Variants in EMX1 observed in about 807,000 individuals in gnomAD.
EMX1 encodes homeobox protein EMX1.
EMX1 carries 10 observed loss-of-function variants against 20.1 expected under a neutral mutation model. That is an observed-to-expected ratio of 0.50 (90% CI 0.31 to 0.84). The LOEUF is 0.84. Among genes scored for constraint, EMX1 ranks in the 40% least tolerant of loss-of-function variants. The pLI, the probability that EMX1 is intolerant of heterozygous loss-of-function variation, is 0.05. For missense variants in EMX1, 424 were observed against 431.9 expected (o/e 0.98, Z 0.16); for synonymous variants, 250 against 200.4 (o/e 1.25, Z -2.09).
Position 72,934,738 on chromosome 2 carries a change from C to G in EMX1, c.*784C>G, listed in dbSNP as rs1474953111. The stretch of plus-strand genomic sequence containing the variant: ...CCAGAGGAAAGGGGAGGATTGGGGT[C>G]TGGGGGAGGGAACACCATTCACAAA... On this transcript the variant is annotated 3_prime_UTR_variant, in exon 3 of 3. Coordinates refer to ENST00000258106, the MANE Select transcript of EMX1 (RefSeq NM_004097.3). The G allele has an allele frequency of 6.6e-6, 1 of 152,158 alleles. No homozygotes were observed. Among genetic ancestry groups the G allele is most frequent in the African/African-American group, 2.4e-5 (1 of 41,386 alleles). 9.4% of individuals were successfully genotyped at this position (152,158 alleles called of 1,614,324 possible). A position where few individuals can be genotyped will look rare whatever the true frequency, so the allele number is the denominator to read the frequency against.
intron 2 of EMX1, among the ~76,000 whole-genome samples, chr2:72,929,722 A>G (rs1671254469): frequency 6.6e-6 from 1 of 152,254 alleles, no homozygotes; most frequent in African/African-American, 2.4e-5. Context: ...AGATTATTCC[A>G]AAGTAAAGTC....
At chr2:72,923,426 A>C (rs1203035907) in intron 1 of EMX1, 1 of 152,266 alleles carries the variant, frequency 6.6e-6, no homozygotes, top group Non-Finnish European at 1.5e-5. Context: ...TCAGGGATGA[A>C]GCAGGGATGA....
chr2:72,926,222 T>C (rs1350445014), intron 2 of EMX1: 32 of 985,338 alleles, frequency 3.2e-5, no homozygotes, highest in Non-Finnish European at 3.5e-5. Context: ...AGTGAGAGCA[T>C]TTTTAATTAA....
chr2:72,925,753 C>T (rs1671190696), intron 2 of EMX1: 4 of 985,444 alleles, frequency 4.1e-6, no homozygotes, highest in Non-Finnish European at 4.8e-6. Flanking sequence ...TCATCCGCAG[C>T]TTTCTTCGGC....
intron 2 of EMX1, chr2:72,933,231 T>G (rs894048391): frequency 6.6e-6 from 1 of 152,518 alleles, no homozygotes; most frequent in Non-Finnish European, 1.5e-5. Flanking sequence ...GCTCTTGATA[T>G]AAACACCACC....
rs907788778 is a variant in EMX1 at position 72,934,389 on chromosome 2, A to G, written c.*435A>G. 2 of 158,788 alleles carry G rather than the reference A, an allele frequency of 1.3e-5. No homozygotes were observed. Among genetic ancestry groups the G allele is most frequent in the African/African-American group, 4.8e-5 (2 of 41,564 alleles). The allele number at this position is 158,788 out of a possible 1,614,324, so 9.8% of individuals were successfully genotyped here. A position where few individuals can be genotyped will look rare whatever the true frequency, so the allele number is the denominator to read the frequency against. On this transcript the variant is annotated 3_prime_UTR_variant, in exon 3 of 3. Transcript: ENST00000258106. ...CCAGCCCCAGAGCCTGGGGTGGTAGATTCCGGCTCTGAGGGCCAGTGGGGG... is the reference window on the plus strand; with the variant it reads ...CCAGCCCCAGAGCCTGGGGTGGTAGGTTCCGGCTCTGAGGGCCAGTGGGGG...
At chr2:72,921,315 T>C (rs539929568) in intron 1 of EMX1, among the ~76,000 whole-genome samples, 1 of 152,306 alleles carries the variant, frequency 6.6e-6, no homozygotes, top group Non-Finnish European at 1.5e-5. Flanking sequence ...CTTTCCACTT[T>C]GCTAACTGTC....
rs745394066 is a variant in EMX1, at chr2:72,917,905, C to T, written c.53C>T (p.Ala18Val). The T allele has an allele frequency of 6.7e-7, 1 of 1,481,670 alleles. No homozygotes were observed. The highest frequency in any genetic ancestry group is 1.5e-5 in the African/African-American group (1 of 68,468). The allele number at this position is 1,481,670 out of a possible 1,614,324, so 91.8% of individuals were successfully genotyped here. Residue 18 changes from alanine (A) to valine (V), a missense_variant, in exon 1 of 3, where the codon GCG becomes GTG. Physicochemically the swap from Ala to Val is moderately conservative, Grantham distance 64. This residue lies in a region of EMX1 where 333 missense variants were observed against 296.6 expected (regional missense o/e 1.12). Transcript: ENST00000258106. Reference sequence around the variant, plus strand: ...AAGGCGGCGGCGCCAGGACGCGGAGCGCTCCCCAGAGCCCGGCTGCCTCGC... The same window carrying T: ...AAGGCGGCGGCGCCAGGACGCGGAGTGCTCCCCAGAGCCCGGCTGCCTCGC... Reference protein sequence around the residue: ...PRKAAAPGRGALPRARLPRTA... With the variant: ...PRKAAAPGRGVLPRARLPRTA...
chr2:72,916,621 G>A (rs979268644), upstream of EMX1: 4 of 683,162 alleles, frequency 5.9e-6, no homozygotes, highest in South Asian at 1.6e-5. Flanking sequence ...GCGGGTGGAA[G>A]GTGAAGGTCG....
At chr2:72,933,177 A>G (rs1671311712) in intron 2 of EMX1, 1 of 152,368 alleles carries the variant, frequency 6.6e-6, no homozygotes. Context: ...AGTCTCTAGC[A>G]GCGGGTTCTG....
intron 2 of EMX1, among the ~76,000 whole-genome samples, chr2:72,924,941 T>C (rs1407436087): frequency 3.3e-5 from 5 of 152,226 alleles, no homozygotes; most frequent in Non-Finnish European, 4.4e-5. Flanking sequence ...GCACTGGCTT[T>C]GCTGCTGTTC....
intron 1 of EMX1, among the ~76,000 whole-genome samples, chr2:72,921,950 A>G (rs2087004571): frequency 6.6e-6 from 1 of 152,236 alleles, no homozygotes; most frequent in African/African-American, 2.4e-5. Flanking sequence ...TGACTGACAT[A>G]TACCACATAA....
intron 1 of EMX1, among the ~76,000 whole-genome samples, chr2:72,919,982 G>A (rs1671070901): frequency 6.6e-6 from 1 of 152,226 alleles, no homozygotes; most frequent in Non-Finnish European, 1.5e-5. Flanking sequence ...TGAGCCCGCG[G>A]GCCGCCGCGG....
Position 72,925,349 on chromosome 2 carries a change from A to T in EMX1, c.705+856A>T, listed in dbSNP as rs78215562. The T allele has an allele frequency of 4.1e-3, 4,805 of 1,178,592 alleles. 141 individuals carry two copies. In the African/African-American group the frequency reaches 0.062, roughly 15 times the overall value. The allele number at this position is 1,178,592 out of a possible 1,614,324, so 73.0% of individuals were successfully genotyped here. On this transcript the variant is annotated intron_variant, in intron 2 of 2. Coordinates refer to ENST00000258106, the MANE Select transcript of EMX1 (RefSeq NM_004097.3). ...AAAATTAAAGAATTAGATGAAAGTTATAGGGAGGTGGATTTGGGTTCATTG... is the reference window on the plus strand; with the variant it reads ...AAAATTAAAGAATTAGATGAAAGTTTTAGGGAGGTGGATTTGGGTTCATTG...
At chr2:72,924,568 GC>G in intron 2 of EMX1, 75 bp downstream of exon 2, 1 of 1,440,070 alleles carries the variant, frequency 6.9e-7, no homozygotes. Context: ...TGCAGGAGAG[GC>G]CCTGAGCCCG....
At chr2:72,932,698 G>A (rs1671303806) in intron 2 of EMX1, among the ~76,000 whole-genome samples, 1 of 151,922 alleles carries the variant, frequency 6.6e-6, no homozygotes, top group South Asian at 2.1e-4. Flanking sequence ...TAGAACCATA[G>A]ACCTGCCCTC....
In EMX1 at chr2:72,924,294, GCGGCGGGGC is replaced by G. The variant is rs1332229448; in HGVS notation, c.521-12_521-4del. 18 of 1,555,068 alleles carry G rather than the reference GCGGCGGGGC, an allele frequency of 1.2e-5. No homozygotes were observed. Among genetic ancestry groups the G allele is most frequent in the African/African-American group, 2.7e-5 (2 of 74,246 alleles). On this transcript the variant is annotated splice_region_variant and splice_polypyrimidine_tract_variant and intron_variant, in intron 1 of 2. Coordinates refer to ENST00000258106, the MANE Select transcript of EMX1 (RefSeq NM_004097.3). ...TCTGTACCTGCGTGTGTTGCCGTCG[GCGGCGGGGC>G]CGCAGCCAGCGACGTGCCCCAGGAC... is the stretch of plus-strand genomic sequence containing the variant.
intron 2 of EMX1, among the ~76,000 whole-genome samples, chr2:72,931,918 G>A (rs1301410757): frequency 6.6e-6 from 1 of 152,248 alleles, no homozygotes; most frequent in Admixed American, 6.5e-5. Context: ...ACTGTGAGGG[G>A]AAGTCCTGGG....
intron 2 of EMX1, 64 bp downstream of exon 2, chr2:72,924,557 G>A: frequency 6.8e-7 from 1 of 1,470,410 alleles, no homozygotes; most frequent in South Asian, 1.4e-5. Flanking sequence ...GGGTGCGCGG[G>A]TGCAGGAGAG....
Sources: allele counts gnomAD v4.1 joint callset (sites outside exome capture counted in the v4.1 genomes callset), GRCh38; gene constraint gnomAD v4.1.1; regional missense constraint gnomAD v4.1.1; transcripts MANE v1.5; gene names NCBI Gene and HGNC (gene_info 2026-07-23, HGNC 2026-07-21).